Variants in RNF130 observed in about 807,000 individuals in gnomAD.
RNF130 encodes E3 ubiquitin-protein ligase RNF130.
In RNF130, 21 loss-of-function variants were observed where a neutral mutation model predicts 44.6. The ratio of observed to expected loss-of-function variants is 0.47; its 90% CI spans 0.33 to 0.68. The LOEUF is 0.68. Among genes scored for constraint, RNF130 ranks in the 30% least tolerant of loss-of-function variants. The probability of loss-of-function intolerance (pLI) is 0.02; values close to 1 mark genes in which losing one functional copy is unlikely to be tolerated. For synonymous variants in RNF130, 214 were observed against 210.4 expected (o/e 1.02, Z -0.15); for missense variants, 479 against 560.6 (o/e 0.85, Z 1.47).
chr5:180,046,650 G>T (rs1764573897), intron 1 of RNF130, among the ~76,000 whole-genome samples: 1 of 152,136 alleles, frequency 6.6e-6, no homozygotes, highest in Non-Finnish European at 1.5e-5. Flanking sequence ...CAGAGCCTGT[G>T]TGTGTCACTT....
chr5:179,931,223 C>T lies in RNF130; in HGVS notation c.1151-10797G>A, dbSNP rs114208464. Among the ~76,000 whole-genome samples the T allele has an allele frequency of 6.8e-3, 1,032 of 152,148 alleles. 15 individuals carry two copies. The highest frequency in any genetic ancestry group is 0.024 in the African/African-American group (990 of 41,498). The stretch of plus-strand genomic sequence containing the variant: ...CCGCACATCTGAACTGGGACTGTAA[C>T]ACTGATGGCGATACAGTGTGGGGTG... On this transcript the variant is annotated intron_variant, in intron 7 of 7. Transcript: ENST00000522208.
At chr5:179,922,745 G>A (rs1023214700) in intron 7 of RNF130, among the ~76,000 whole-genome samples, 5 of 150,532 alleles carry the variant, frequency 3.3e-5, no homozygotes, top group Non-Finnish European at 5.9e-5. Context: ...ACTAGCCTAG[G>A]CAACATGGTG....
intron 7 of RNF130, among the ~76,000 whole-genome samples, chr5:179,923,566 G>C (rs567206486): frequency 6.6e-6 from 1 of 152,290 alleles, no homozygotes; most frequent in South Asian, 2.1e-4. Context: ...CAATCCCAGC[G>C]GCTGAGTTTC....
At chr5:180,022,707 T>C (rs1372853842) in intron 2 of RNF130, among the ~76,000 whole-genome samples, 1 of 152,224 alleles carries the variant, frequency 6.6e-6, no homozygotes, top group Non-Finnish European at 1.5e-5. Flanking sequence ...TTAAGCCACG[T>C]CTCCACAAAC....
At chr5:179,931,958 C>T (rs950699314) in intron 7 of RNF130, among the ~76,000 whole-genome samples, 4 of 152,178 alleles carry the variant, frequency 2.6e-5, no homozygotes, top group African/African-American at 7.2e-5. Flanking sequence ...TCCTTTGAGT[C>T]ATCTTTCTGA....
intron 7 of RNF130, among the ~76,000 whole-genome samples, chr5:179,926,704 C>A (rs1387866846): frequency 6.6e-6 from 1 of 151,864 alleles, no homozygotes; most frequent in Non-Finnish European, 1.5e-5. Context: ...GCTGCTGTAG[C>A]AAATTAACCA....
At chr5:180,061,529 G>A (rs1476194365) in intron 1 of RNF130, among the ~76,000 whole-genome samples, 1 of 152,176 alleles carries the variant, frequency 6.6e-6, no homozygotes, top group Non-Finnish European at 1.5e-5. Flanking sequence ...AGGCTCAAGG[G>A]AAAAACCACC....
At chr5:179,967,388 T>C (rs147099049) in intron 6 of RNF130, among the ~76,000 whole-genome samples, 109 of 152,312 alleles carry the variant, frequency 7.2e-4, no homozygotes, top group African/African-American at 2.6e-3. Flanking sequence ...GAATCCCAGG[T>C]AATAGAAAAC....
chr5:180,032,087 T>C (rs1291250602), intron 2 of RNF130, among the ~76,000 whole-genome samples: 1 of 152,254 alleles, frequency 6.6e-6, no homozygotes, highest in Non-Finnish European at 1.5e-5. Context: ...AAGAGTTCTT[T>C]ATATATTCTG....
At chr5:180,033,572 C>T (rs533168660) in intron 2 of RNF130, among the ~76,000 whole-genome samples, 1 of 152,136 alleles carries the variant, frequency 6.6e-6, no homozygotes, top group Admixed American at 6.5e-5. Flanking sequence ...CGCCTATAAT[C>T]CCAGCTGCTC....
intron 6 of RNF130, among the ~76,000 whole-genome samples, chr5:179,968,293 AAAAC>A (rs564860549): frequency 1.4e-5 from 2 of 143,286 alleles, no homozygotes; most frequent in African/African-American, 2.5e-5. Flanking sequence ...AGACTGTCTC[AAAAC>A]AAACAAACAA....
At chr5:180,034,820 C>T (rs944083708) in intron 2 of RNF130, among the ~76,000 whole-genome samples, 1 of 152,176 alleles carries the variant, frequency 6.6e-6, no homozygotes, top group Non-Finnish European at 1.5e-5. Flanking sequence ...TGTGGATGGT[C>T]ATGGGGACCC....
At chr5:179,979,377 T>G (rs1014859713) in intron 4 of RNF130, among the ~76,000 whole-genome samples, 10 of 150,916 alleles carry the variant, frequency 6.6e-5, no homozygotes, top group Non-Finnish European at 1.3e-4. Flanking sequence ...ATGGGTAAAG[T>G]CCAAGAAATT....
chr5:179,940,893 C>T (rs1459058284), intron 7 of RNF130, among the ~76,000 whole-genome samples: 1 of 150,278 alleles, frequency 6.7e-6, no homozygotes, highest in African/African-American at 2.4e-5. Flanking sequence ...TATTTTTCTT[C>T]TCATTTTATT....
At chr5:179,935,086 T>G (rs1203528544) in intron 7 of RNF130, among the ~76,000 whole-genome samples, 1 of 152,232 alleles carries the variant, frequency 6.6e-6, no homozygotes, top group East Asian at 1.9e-4. Flanking sequence ...TAATTTCCAC[T>G]GCGATTTCTT....
intron 7 of RNF130, 111 bp downstream of exon 7, chr5:179,966,695 T>C: frequency 2.3e-6 from 2 of 855,932 alleles, no homozygotes; most frequent in South Asian, 3.2e-5. Context: ...ATCACTTTCT[T>C]GGTTACAGTC....
chr5:180,057,289 C>T (rs574266981), intron 1 of RNF130, among the ~76,000 whole-genome samples: 76 of 152,350 alleles, frequency 5.0e-4, no homozygotes, highest in South Asian at 3.9e-3. Flanking sequence ...TGGCTCACGC[C>T]TGTAATCCCA....
chr5:180,067,457 G>C (rs1300003949), intron 1 of RNF130, among the ~76,000 whole-genome samples: 1 of 152,256 alleles, frequency 6.6e-6, no homozygotes, highest in East Asian at 1.9e-4. Context: ...TGTAGATAAC[G>C]TTTAGAGGTT....
At chr5:180,061,672 C>T (rs972661731) in intron 1 of RNF130, among the ~76,000 whole-genome samples, 1 of 152,172 alleles carries the variant, frequency 6.6e-6, no homozygotes, top group Non-Finnish European at 1.5e-5. Flanking sequence ...TGTATCTTTT[C>T]CTCTTCTTAT....
Sources: gnomAD v4.1 joint callset for allele counts (sites outside exome capture counted in the v4.1 genomes callset) on GRCh38, gnomAD v4.1.1 for gene constraint, MANE v1.5 for transcripts, NCBI Gene and HGNC (gene_info 2026-07-23, HGNC 2026-07-21) for gene names.